Variants in CCDC126 observed in about 807,000 individuals in gnomAD.
CCDC126 encodes the protein coiled-coil domain-containing protein 126.
A neutral mutation model predicts 11.7 loss-of-function variants in CCDC126; 5 were observed. That is an observed-to-expected ratio of 0.43 (90% confidence interval 0.22 to 0.90). CCDC126 has a LOEUF of 0.90. Among genes scored for constraint, CCDC126 ranks in the 40% least tolerant of loss-of-function variants. The pLI, the probability that CCDC126 is intolerant of heterozygous loss-of-function variation, is 0.27. For missense variants in CCDC126, 150 were observed against 163.1 expected (o/e 0.92, Z 0.44); for synonymous variants, 60 against 61.9 (o/e 0.97, Z 0.14).
chr7:23,609,121 G>C (rs1451152020), intron 2 of CCDC126, among the ~76,000 whole-genome samples: 1 of 152,076 alleles, frequency 6.6e-6, no homozygotes, highest in African/African-American at 2.4e-5. Flanking sequence ...ATTACCTCCA[G>C]GAACAATTTG....
At chr7:23,603,634 G>A (rs1460019897) in intron 2 of CCDC126, among the ~76,000 whole-genome samples, 1 of 152,110 alleles carries the variant, frequency 6.6e-6, no homozygotes. Context: ...CGAGGGAAAT[G>A]GATTAGGTTT....
chr7:23,620,569 G>C (rs1782874992), intron 3 of CCDC126, among the ~76,000 whole-genome samples: 1 of 151,190 alleles, frequency 6.6e-6, no homozygotes, highest in Non-Finnish European at 1.5e-5. Context: ...CTGTGCAGAA[G>C]CTCTTTAGTT....
intron 3 of CCDC126, among the ~76,000 whole-genome samples, chr7:23,621,427 A>T (rs913024676): frequency 1.3e-5 from 2 of 152,150 alleles, no homozygotes; most frequent in African/African-American, 4.8e-5. Flanking sequence ...GCACATTGAT[A>T]TTGTATCCTG....
chr7:23,623,789 T>G (rs1007097695), intron 3 of CCDC126, among the ~76,000 whole-genome samples: 1 of 152,216 alleles, frequency 6.6e-6, no homozygotes, highest in African/African-American at 2.4e-5. Context: ...CTAGCTTGAT[T>G]TAATTATTCC....
chr7:23,615,875 C>T (rs1321825002), intron 3 of CCDC126, among the ~76,000 whole-genome samples: 1 of 152,190 alleles, frequency 6.6e-6, no homozygotes, highest in Non-Finnish European at 1.5e-5. Flanking sequence ...CTGATCAGCT[C>T]ACCATGGCAG....
chr7:23,604,792 C>T (rs926518896), intron 2 of CCDC126, among the ~76,000 whole-genome samples: 1 of 151,830 alleles, frequency 6.6e-6, no homozygotes, highest in African/African-American at 2.4e-5. Flanking sequence ...GTCAGGAGAT[C>T]GAGACCATCC....
chr7:23,623,125 C>G (rs998719699), intron 3 of CCDC126, among the ~76,000 whole-genome samples: 1 of 148,404 alleles, frequency 6.7e-6, no homozygotes, highest in Non-Finnish European at 1.5e-5. Context: ...AGGCTCGCGC[C>G]ACTATGCCCA....
Position 23,642,956 on chromosome 7 carries a change from C to G in CCDC126, c.264C>G (p.Val88=). 6.2e-7 allele frequency: 1 copy of G among 1,613,910 alleles called. No homozygotes were observed. Among genetic ancestry groups the G allele is most frequent in the Non-Finnish European group, 8.5e-7 (1 of 1,179,864 alleles). ...CGGATCTGAAAAGAACAATTGCTGTCCTTCTGGATGACATTTTGCAACGAT... is the reference window on the plus strand; with the variant it reads ...CGGATCTGAAAAGAACAATTGCTGTGCTTCTGGATGACATTTTGCAACGAT... ...GYADLKRTIA[V]LLDDILQRLV... The change falls in exon 4 of 4, where the codon GTC becomes GTG. Residue 88 remains valine (V), a synonymous_variant. Coordinates refer to ENST00000307471, the MANE Select transcript of CCDC126 (RefSeq NM_138771.4).
intron 3 of CCDC126, among the ~76,000 whole-genome samples, chr7:23,629,436 C>G (rs1162909595): frequency 6.6e-6 from 1 of 152,164 alleles, no homozygotes; most frequent in African/African-American, 2.4e-5. Flanking sequence ...AAATCAATTT[C>G]TATTAATTAC....
In CCDC126 at chr7:23,611,364, CT is replaced by C. The variant is rs1280148054; in HGVS notation, c.50del (p.Leu17ArgfsTer11). On this transcript the variant is annotated frameshift_variant, in exon 3 of 4. Transcript: ENST00000307471. LOFTEE classifies it high-confidence loss of function. ...RKNMSQKLSL[L>X]LLVFGLIWGL... Reference sequence around the variant, plus strand: ...AAATATGTCCCAGAAATTGAGTTTACTGTTGCTTGTATTTGGACTCATTTGG... The same window carrying C: ...AAATATGTCCCAGAAATTGAGTTTACGTTGCTTGTATTTGGACTCATTTGG... The C allele has an allele frequency of 6.2e-7, 1 of 1,613,300 alleles. No individual in the cohort carries two copies. Among genetic ancestry groups the C allele is most frequent in the Non-Finnish European group, 8.5e-7 (1 of 1,179,652 alleles).
intron 3 of CCDC126, among the ~76,000 whole-genome samples, chr7:23,634,035 T>C (rs889344216): frequency 1.3e-5 from 2 of 152,244 alleles, no homozygotes; most frequent in African/African-American, 4.8e-5. Flanking sequence ...TTTACAACAG[T>C]TTTATTCCTT....
At chr7:23,632,736 C>A (rs757077486) in intron 3 of CCDC126, among the ~76,000 whole-genome samples, 28 of 152,126 alleles carry the variant, frequency 1.8e-4, no homozygotes, top group Non-Finnish European at 3.4e-4. Flanking sequence ...AGGAAAAAAC[C>A]CAAAGCCAAA....
At chr7:23,628,435 C>T (rs992122817) in intron 3 of CCDC126, among the ~76,000 whole-genome samples, 1 of 152,164 alleles carries the variant, frequency 6.6e-6, no homozygotes, top group African/African-American at 2.4e-5. Context: ...CAAGAAAAGG[C>T]AGCCTAGCAA....
intron 3 of CCDC126, among the ~76,000 whole-genome samples, chr7:23,627,765 A>AT (rs748179465): frequency 1.7e-4 from 25 of 148,414 alleles, no homozygotes; most frequent in South Asian, 6.4e-4. Flanking sequence ...CACACAGCCA[A>AT]TTTTTTTTTT....
intron 3 of CCDC126, among the ~76,000 whole-genome samples, chr7:23,617,324 G>T (rs934958884): frequency 2.1e-5 from 3 of 141,336 alleles, no homozygotes; most frequent in Non-Finnish European, 4.6e-5. Context: ...CTCTAATCTG[G>T]GGAACAGAGT....
At chr7:23,607,366 A>G (rs1782640056) in intron 2 of CCDC126, among the ~76,000 whole-genome samples, 1 of 152,180 alleles carries the variant, frequency 6.6e-6, no homozygotes, top group Non-Finnish European at 1.5e-5. Context: ...TGGGGGCTGG[A>G]TCAGTACTTG....
intron 3 of CCDC126, among the ~76,000 whole-genome samples, chr7:23,620,013 G>A (rs1782862757): frequency 6.6e-6 from 1 of 152,040 alleles, no homozygotes; most frequent in Non-Finnish European, 1.5e-5. Flanking sequence ...CCAAGTCTTT[G>A]CTATTGTGAA....
chr7:23,642,762 CAA>C (rs1178284907), intron 3 of CCDC126, among the ~76,000 whole-genome samples, 167 bp from the exon 4 acceptor site: 7 of 129,364 alleles, frequency 5.4e-5, no homozygotes, highest in Admixed American at 2.4e-4. Context: ...AACTCCATCT[CAA>C]AAAAAAAAAA....
intron 2 of CCDC126, chr7:23,602,054 G>C (rs892460338): frequency 1.2e-4 from 19 of 152,294 alleles, no homozygotes; most frequent in African/African-American, 4.6e-4. Context: ...TGTGGCTAGG[G>C]AGAAACCACT....
Sources: allele counts gnomAD v4.1 joint callset (sites outside exome capture counted in the v4.1 genomes callset), GRCh38; gene constraint gnomAD v4.1.1; transcripts MANE v1.5; gene names NCBI Gene and HGNC (gene_info 2026-07-23, HGNC 2026-07-21).